ADK: variants seen among roughly 807,000 people sequenced by gnomAD.
ADK encodes the protein adenosine kinase, also known as N6,N6-dimethyladenosine kinase.
ADK carries 24 observed loss-of-function variants against 44.7 expected under a neutral mutation model. The ratio of observed to expected loss-of-function variants is 0.54; its 90% CI spans 0.39 to 0.76. The LOEUF (loss-of-function observed/expected upper bound fraction) is 0.76, where lower values mean the gene tolerates loss of function less well. Among genes scored for constraint, ADK ranks in the 30% least tolerant of loss-of-function variants. ADK has a pLI of 0.00. For synonymous variants in ADK, 128 were observed against 142.6 expected (o/e 0.90, Z 0.73); for missense variants, 321 against 425.1 (o/e 0.76, Z 2.15).
intron 2 of ADK, 90 bp from the exon 3 acceptor site, chr10:74,224,448 A>T (rs1463337313): frequency 4.2e-6 from 4 of 945,944 alleles, no homozygotes; most frequent in Middle Eastern, 2.1e-4. Flanking sequence ...GACCTATAAC[A>T]GTGTTGGAGT....
chr10:74,377,778 A>G (rs1030714590), intron 4 of ADK, among the ~76,000 whole-genome samples: 1 of 152,188 alleles, frequency 6.6e-6, no homozygotes, highest in Non-Finnish European at 1.5e-5. Context: ...AATGACAGGT[A>G]GTGAGGAAGA....
At chr10:74,428,636 A>G (rs781641783) in intron 6 of ADK, among the ~76,000 whole-genome samples, 1 of 152,266 alleles carries the variant, frequency 6.6e-6, no homozygotes, top group Non-Finnish European at 1.5e-5. Flanking sequence ...GGGAAAAAAC[A>G]AAACAAGGAA....
chr10:74,525,141 C>T, intron 6 of ADK, 115 bp from the exon 7 acceptor site: 1 of 1,037,224 alleles, frequency 9.6e-7, no homozygotes, highest in South Asian at 1.4e-5. Flanking sequence ...TTCTGCCTTG[C>T]ATCTTATAAT....
chr10:74,636,954 C>A (rs1185195981), intron 9 of ADK, among the ~76,000 whole-genome samples: 2 of 152,020 alleles, frequency 1.3e-5, no homozygotes, highest in African/African-American at 4.8e-5. Flanking sequence ...GGTACAGAAG[C>A]TAGAAAGATA....
rs373267642 is a variant in ADK at position 74,394,229 on chromosome 10, C to T, written c.362C>T (p.Ala121Val). ...GGGGAGATCCTGAAGAGAAAAGCTG[C>T]TGAAGCCCATGTGGATGCTCATTAC... is the stretch of plus-strand genomic sequence containing the variant. ...KFGEILKRKA[A>V]EAHVDAHYYE... The change falls in exon 5 of 11, where the codon GCT becomes GTT. Residue 121 changes from alanine to valine, a missense_variant. By Grantham distance (64) the Ala-to-Val change is moderately conservative. Transcript: ENST00000539909. 3 of 1,614,046 alleles carry T rather than the reference C, an allele frequency of 1.9e-6. No homozygotes were observed. The highest frequency in any genetic ancestry group is 2.5e-6 in the Non-Finnish European group (3 of 1,179,958).
chr10:74,648,676 CA>C (rs907509701), intron 9 of ADK, among the ~76,000 whole-genome samples: 27 of 147,638 alleles, frequency 1.8e-4, no homozygotes, highest in Admixed American at 5.4e-4. Flanking sequence ...GACTCCATCT[CA>C]AAAAAAAAGA....
intron 1 of ADK, among the ~76,000 whole-genome samples, chr10:74,181,419 G>T (rs1362766270): frequency 1.3e-5 from 2 of 151,914 alleles, no homozygotes; most frequent in Non-Finnish European, 2.9e-5. Flanking sequence ...GATATCCTTG[G>T]GGAACAACTT....
intron 9 of ADK, among the ~76,000 whole-genome samples, chr10:74,664,488 T>C (rs1451156528): frequency 2.6e-5 from 4 of 152,194 alleles, no homozygotes; most frequent in Non-Finnish European, 5.9e-5. Flanking sequence ...ATGTTTTATA[T>C]TTTTGAATCA....
At chr10:74,623,579 G>A (rs1325648026) in intron 9 of ADK, among the ~76,000 whole-genome samples, 1 of 151,988 alleles carries the variant, frequency 6.6e-6, no homozygotes, top group African/African-American at 2.4e-5. Flanking sequence ...AAACTTTCTG[G>A]TGTAGAATTG....
At chr10:74,515,904 T>A (rs1227191674) in intron 6 of ADK, among the ~76,000 whole-genome samples, 1 of 152,122 alleles carries the variant, frequency 6.6e-6, no homozygotes, top group Non-Finnish European at 1.5e-5. Context: ...CCAGCTTGGA[T>A]CATGGTGTTC....
intron 3 of ADK, among the ~76,000 whole-genome samples, chr10:74,249,981 C>A (rs1008906958): frequency 3.9e-5 from 6 of 152,142 alleles, no homozygotes; most frequent in Non-Finnish European, 5.9e-5. Context: ...ATTTCCTATT[C>A]AATAAGTATT....
chr10:74,290,286 G>T (rs1419587299), intron 3 of ADK, among the ~76,000 whole-genome samples: 2 of 151,626 alleles, frequency 1.3e-5, no homozygotes, highest in African/African-American at 4.9e-5. Context: ...AATTATCTTG[G>T]GTTAGTTTTT....
chr10:74,214,117 T>C (rs1843930328), intron 2 of ADK, among the ~76,000 whole-genome samples: 1 of 152,232 alleles, frequency 6.6e-6, no homozygotes, highest in South Asian at 2.1e-4. Flanking sequence ...GATTTAAAAA[T>C]ATTATTTTCA....
chr10:74,204,910 C>T (rs573278881), intron 2 of ADK, among the ~76,000 whole-genome samples: 7 of 151,814 alleles, frequency 4.6e-5, no homozygotes, highest in South Asian at 2.1e-4. Flanking sequence ...TGTGATGGCA[C>T]GCACCTGTAG....
At chr10:74,658,788 G>A (rs1338287288) in intron 9 of ADK, among the ~76,000 whole-genome samples, 1 of 152,012 alleles carries the variant, frequency 6.6e-6, no homozygotes, top group Non-Finnish European at 1.5e-5. Context: ...GTAGAGACCA[G>A]GTTGACATGA....
intron 4 of ADK, among the ~76,000 whole-genome samples, chr10:74,342,266 A>G (rs1841606690): frequency 2.0e-5 from 3 of 152,186 alleles, no homozygotes; most frequent in African/African-American, 7.2e-5. Flanking sequence ...TTTTCCATGA[A>G]TGTGGGATGT....
At chr10:74,218,835 A>G (rs1453286185) in intron 2 of ADK, among the ~76,000 whole-genome samples, 1 of 152,184 alleles carries the variant, frequency 6.6e-6, no homozygotes, top group Non-Finnish European at 1.5e-5. Context: ...TTTTGTCACC[A>G]CCAGGCCTGC....
At chr10:74,274,572 A>T (rs1418998832) in intron 3 of ADK, among the ~76,000 whole-genome samples, 1 of 151,634 alleles carries the variant, frequency 6.6e-6, no homozygotes, top group Non-Finnish European at 1.5e-5. Flanking sequence ...CTTAAAAAAA[A>T]AGTCATAAGA....
chr10:74,324,045 T>A (rs761284784), intron 4 of ADK, among the ~76,000 whole-genome samples: 9 of 151,800 alleles, frequency 5.9e-5, no homozygotes, highest in Non-Finnish European at 1.0e-4. Context: ...TTTTTGGAGA[T>A]GGCATCTTGC....
Sources: allele counts gnomAD v4.1 joint callset (sites outside exome capture counted in the v4.1 genomes callset), GRCh38; gene constraint gnomAD v4.1.1; transcripts MANE v1.5; gene names NCBI Gene and HGNC (gene_info 2026-07-23, HGNC 2026-07-21).